The following PLXDC2 variants were observed in gnomAD, a reference collection of about 807,000 sequenced individuals.
PLXDC2 encodes plexin domain-containing protein 2.
A neutral mutation model predicts 68.9 loss-of-function variants in PLXDC2; 40 were observed. That is an observed-to-expected ratio of 0.58 (90% confidence interval 0.45 to 0.76). The LOEUF is 0.76. Ranked by LOEUF, PLXDC2 falls within the 30% of genes least tolerant of loss-of-function variation. The pLI is 0.00. For synonymous variants in PLXDC2, 243 were observed against 234.2 expected (o/e 1.04, Z -0.34); for missense variants, 644 against 661.9 (o/e 0.97, Z 0.30).
intron 6 of PLXDC2, 113 bp from the exon 7 acceptor site, chr10:20,164,355 G>A (rs1313476969): frequency 2.3e-6 from 2 of 857,644 alleles, no homozygotes; most frequent in Non-Finnish European, 1.9e-6. Context: ...TCCCTTTCTA[G>A]TCTTTTATCT....
At chr10:20,144,084 A>G (rs769330543) in intron 5 of PLXDC2, among the ~76,000 whole-genome samples, 1 of 152,168 alleles carries the variant, frequency 6.6e-6, no homozygotes, top group South Asian at 2.1e-4. Flanking sequence ...ATGAATTTTC[A>G]TCTCAACATC....
intron 2 of PLXDC2, among the ~76,000 whole-genome samples, chr10:20,031,265 G>C (rs1480731041): frequency 6.6e-6 from 1 of 151,920 alleles, no homozygotes; most frequent in Non-Finnish European, 1.5e-5. Context: ...AGCTACTCAG[G>C]AGGCTAAAGT....
chr10:19,952,001 G>A (rs965545551), intron 1 of PLXDC2, among the ~76,000 whole-genome samples: 2 of 152,026 alleles, frequency 1.3e-5, no homozygotes, highest in African/African-American at 2.4e-5. Context: ...ACACGGTGAG[G>A]GGGGAAGGAA....
At chr10:20,054,223 A>G (rs761892524) in intron 3 of PLXDC2, among the ~76,000 whole-genome samples, 2 of 151,976 alleles carry the variant, frequency 1.3e-5, no homozygotes, top group Non-Finnish European at 2.9e-5. Context: ...GAGGGTCAGG[A>G]TGATTAGATA....
At chr10:20,080,712 G>C (rs544903652) in intron 4 of PLXDC2, among the ~76,000 whole-genome samples, 1 of 152,160 alleles carries the variant, frequency 6.6e-6, no homozygotes, top group East Asian at 1.9e-4. Context: ...AATCTTCTTT[G>C]GCAACATCCT....
rs1836164819 is a variant in PLXDC2, at chr10:20,287,058, A to T, written c.*7239A>T. Reference sequence around the variant, plus strand: ...ACTTCTTAAGAGCAATGTGCTAATAAATACTCATTGATGACCAGCTCAAAT... The same window carrying T: ...ACTTCTTAAGAGCAATGTGCTAATATATACTCATTGATGACCAGCTCAAAT... On this transcript the variant is annotated 3_prime_UTR_variant, in exon 14 of 14. Coordinates refer to ENST00000377252, the MANE Select transcript of PLXDC2 (RefSeq NM_032812.9). 1 of 152,176 alleles carries T rather than the reference A, an allele frequency of 6.6e-6. No homozygotes were observed. Among genetic ancestry groups the T allele is most frequent in the South Asian group, 2.1e-4 (1 of 4,834 alleles). The allele number at this position is 152,176 out of a possible 1,614,324, so 9.4% of individuals were successfully genotyped here.
At chr10:19,863,768 G>A (rs565906872) in intron 1 of PLXDC2, among the ~76,000 whole-genome samples, 1 of 151,886 alleles carries the variant, frequency 6.6e-6, no homozygotes, top group Non-Finnish European at 1.5e-5. Flanking sequence ...ATGAGAGAGA[G>A]TAAAAACCGT....
At chr10:20,148,004 A>C in intron 6 of PLXDC2, 102 bp downstream of exon 6, 1 of 812,998 alleles carries the variant, frequency 1.2e-6, no homozygotes, top group Non-Finnish European at 2.0e-6. Context: ...TGATCCTCAA[A>C]TCATTTTCTT....
chr10:20,084,869 C>A (rs1833167735), intron 4 of PLXDC2, among the ~76,000 whole-genome samples: 1 of 128,246 alleles, frequency 7.8e-6, no homozygotes, highest in South Asian at 2.6e-4. Context: ...CTCACGAAGG[C>A]CGTGGCAGAG....
intron 1 of PLXDC2, among the ~76,000 whole-genome samples, chr10:19,849,814 T>C (rs1363955313): frequency 2.0e-5 from 3 of 152,114 alleles, no homozygotes; most frequent in African/African-American, 7.2e-5. Flanking sequence ...GGATGGGTTA[T>C]TTTGAAGTTA....
intron 1 of PLXDC2, among the ~76,000 whole-genome samples, chr10:19,832,673 G>C (rs1164097957): frequency 6.6e-6 from 1 of 152,198 alleles, no homozygotes; most frequent in East Asian, 1.9e-4. Flanking sequence ...AAAAAGACAT[G>C]GTTTCTATAT....
intron 1 of PLXDC2, among the ~76,000 whole-genome samples, chr10:19,892,797 C>T (rs1024297604): frequency 3.3e-5 from 5 of 152,028 alleles, no homozygotes; most frequent in Non-Finnish European, 7.4e-5. Context: ...GCCGGCACAA[C>T]AATAAGTCTC....
At chr10:20,116,109 G>T (rs188161863) in intron 4 of PLXDC2, among the ~76,000 whole-genome samples, 1 of 152,194 alleles carries the variant, frequency 6.6e-6, no homozygotes, top group East Asian at 1.9e-4. Context: ...TAGGAAACCA[G>T]GTTATCAATC....
intron 7 of PLXDC2, among the ~76,000 whole-genome samples, chr10:20,165,154 CT>C (rs1418054063): frequency 1.3e-5 from 2 of 152,056 alleles, no homozygotes; most frequent in African/African-American, 4.8e-5. Flanking sequence ...AGATACAGTT[CT>C]TTTATTAATG....
chr10:20,076,406 A>T (rs1171241717), intron 4 of PLXDC2, among the ~76,000 whole-genome samples: 1 of 152,206 alleles, frequency 6.6e-6, no homozygotes, highest in Non-Finnish European at 1.5e-5. Flanking sequence ...AATCTCTCTG[A>T]TGTCAGTTTC....
intron 13 of PLXDC2, among the ~76,000 whole-genome samples, chr10:20,267,129 C>T (rs891413154): frequency 1.3e-5 from 2 of 152,106 alleles, no homozygotes; most frequent in African/African-American, 4.8e-5. Context: ...CATTTTTATA[C>T]AAATCTTATT....
At chr10:19,845,454 G>T (rs1467919244) in intron 1 of PLXDC2, among the ~76,000 whole-genome samples, 1 of 152,120 alleles carries the variant, frequency 6.6e-6, no homozygotes, top group Non-Finnish European at 1.5e-5. Context: ...ATAGAGCAAG[G>T]CCCTAGCGGG....
chr10:20,277,800 TG>T (rs919101050), intron 13 of PLXDC2, among the ~76,000 whole-genome samples: 8 of 152,188 alleles, frequency 5.3e-5, no homozygotes, highest in African/African-American at 1.9e-4. Context: ...TTTCTATTTT[TG>T]GGGGGACCCA....
At chr10:20,216,101 A>G (rs1056416308) in intron 10 of PLXDC2, among the ~76,000 whole-genome samples, 8 of 152,118 alleles carry the variant, frequency 5.3e-5, no homozygotes, top group African/African-American at 1.9e-4. Context: ...TTGTAGAAAA[A>G]AAAACTAAAA....
Sources: gnomAD v4.1 joint callset for allele counts (sites outside exome capture counted in the v4.1 genomes callset) on GRCh38, gnomAD v4.1.1 for gene constraint, MANE v1.5 for transcripts, NCBI Gene and HGNC (gene_info 2026-07-23, HGNC 2026-07-21) for gene names.